Variants in KCNH1 observed in about 807,000 individuals in gnomAD.
KCNH1 encodes the protein voltage-gated delayed rectifier potassium channel KCNH1.
Under a neutral mutation model 69.2 loss-of-function variants are expected in KCNH1, and 27 were observed. The observed-to-expected ratio is 0.39, with a 90% CI of 0.29 to 0.54. KCNH1 has a LOEUF of 0.54. Ranked by LOEUF, KCNH1 falls within the 20% of genes least tolerant of loss-of-function variation. The pLI, the probability that KCNH1 is intolerant of heterozygous loss-of-function variation, is 0.68. For synonymous variants in KCNH1, 456 were observed against 487.7 expected, an observed-to-expected ratio of 0.93 and a Z score of 0.86; for missense variants, 798 against 1,261.6, an observed-to-expected ratio of 0.63 and a Z score of 5.57.
rs544962088 is a variant in KCNH1, at chr1:210,842,486, G to A, written c.1463-38320C>T. 4.8e-4 allele frequency among the ~76,000 whole-genome samples: 73 copies of A among 152,216 alleles called. 1 individual carries two copies. The highest frequency in any genetic ancestry group is 4.4e-3 in the South Asian group (21 of 4,808). ...CAAAGGTACAATGATTTAGTAAGCCGGGCATGTTAGCGGAATTTAAATTCA... is the reference window on the plus strand; with the variant it reads ...CAAAGGTACAATGATTTAGTAAGCCAGGCATGTTAGCGGAATTTAAATTCA... On this transcript the variant is annotated intron_variant, in intron 7 of 10. Coordinates refer to ENST00000271751, the MANE Select transcript of KCNH1 (RefSeq NM_172362.3).
At chr1:210,826,422 A>C (rs1685033489) in intron 7 of KCNH1, among the ~76,000 whole-genome samples, 1 of 152,218 alleles carries the variant, frequency 6.6e-6, no homozygotes, top group Non-Finnish European at 1.5e-5. Flanking sequence ...CAAAAAGAAT[A>C]AGGTGAAAAT....
rs896286595 is a variant in KCNH1, at chr1:210,797,640, T to C, written c.1783A>G (p.Met595Val). The C allele has an allele frequency of 1.2e-6, 2 of 1,614,112 alleles. No individual in the cohort carries two copies. The highest frequency in any genetic ancestry group is 1.3e-5 in the African/African-American group (1 of 74,942). ...GCACAGTGCACCGTCTGGAACTCCA[T>C]GGCCAGTGCCCGGAGGCAGCCATCA... ...ASDGCLRALA[M>V]EFQTVHCAPG... Residue 595 changes from methionine (M) to valine (V), a missense_variant, in exon 9 of 11, where the codon ATG becomes GTG. Met to Val is a conservative substitution (Grantham distance 21). This residue lies in a region of KCNH1 where 197 missense variants were observed against 407.7 expected (regional missense o/e 0.48). Transcript: ENST00000271751.
At chr1:210,863,494 C>A (rs914528958) in intron 7 of KCNH1, among the ~76,000 whole-genome samples, 2 of 152,168 alleles carry the variant, frequency 1.3e-5, no homozygotes, top group African/African-American at 4.8e-5. Context: ...ATGTAGTCAC[C>A]AGAGGTCTCT....
At chr1:210,754,543 T>C (rs1683352536) in intron 10 of KCNH1, among the ~76,000 whole-genome samples, 1 of 149,446 alleles carries the variant, frequency 6.7e-6, no homozygotes, top group Admixed American at 6.6e-5. Flanking sequence ...CCCTCATGGA[T>C]TGGTGCTGTT....
intron 7 of KCNH1, chr1:210,862,377 T>A (rs1370041491): frequency 6.3e-6 from 4 of 634,024 alleles, no homozygotes; most frequent in African/African-American, 1.8e-5. Context: ...CAGCGGCAAC[T>A]GGCGCAAAAG....
At chr1:210,782,600 C>T (rs1272417829) in intron 9 of KCNH1, among the ~76,000 whole-genome samples, 1 of 152,110 alleles carries the variant, frequency 6.6e-6, no homozygotes, top group African/African-American at 2.4e-5. Context: ...GTGGCGAGCA[C>T]TTGTAATCGC....
chr1:210,863,018 G>T (rs996599787), intron 7 of KCNH1, among the ~76,000 whole-genome samples: 1 of 152,214 alleles, frequency 6.6e-6, no homozygotes, highest in Non-Finnish European at 1.5e-5. Flanking sequence ...TGCGTGTAAA[G>T]TTAGGCTTTG....
intron 5 of KCNH1, among the ~76,000 whole-genome samples, chr1:211,022,333 A>G (rs144279494): frequency 6.6e-6 from 1 of 152,318 alleles, no homozygotes; most frequent in African/African-American, 2.4e-5. Flanking sequence ...AATCAAATGG[A>G]TTAAAAATTT....
At chr1:211,009,174 C>T (rs537919493) in intron 6 of KCNH1, among the ~76,000 whole-genome samples, 3 of 152,228 alleles carry the variant, frequency 2.0e-5, no homozygotes, top group East Asian at 1.9e-4. Flanking sequence ...CTAGGTCTAA[C>T]GTTGCCAACA....
intron 7 of KCNH1, among the ~76,000 whole-genome samples, chr1:210,912,615 G>A (rs1174325779): frequency 6.6e-6 from 1 of 152,214 alleles, no homozygotes; most frequent in African/African-American, 2.4e-5. Flanking sequence ...GGGGCAGGGA[G>A]AGAGTTATCA....
chr1:210,780,916 A>G (rs1437824892), intron 9 of KCNH1, among the ~76,000 whole-genome samples: 2 of 152,050 alleles, frequency 1.3e-5, no homozygotes, highest in African/African-American at 4.8e-5. Context: ...GCGTGGTGGC[A>G]GGTGCCTGTA....
At chr1:211,022,276 C>A (rs1420117695) in intron 5 of KCNH1, among the ~76,000 whole-genome samples, 1 of 152,080 alleles carries the variant, frequency 6.6e-6, no homozygotes, top group Non-Finnish European at 1.5e-5. Context: ...TATCCATATG[C>A]AGAAGAATGA....
chr1:210,924,540 T>G (rs2102567894), intron 6 of KCNH1, among the ~76,000 whole-genome samples: 1 of 152,328 alleles, frequency 6.6e-6, no homozygotes, highest in South Asian at 2.1e-4. Context: ...TTTGAGATTT[T>G]TTTTCCTTAC....
At chr1:210,735,933 A>T (rs925493970) in intron 10 of KCNH1, among the ~76,000 whole-genome samples, 2 of 151,904 alleles carry the variant, frequency 1.3e-5, no homozygotes, top group African/African-American at 4.8e-5. Context: ...TTTGTTCAAG[A>T]TTTTATATTT....
chr1:210,964,497 T>C (rs1047484252), intron 6 of KCNH1, among the ~76,000 whole-genome samples: 4 of 151,896 alleles, frequency 2.6e-5, no homozygotes, highest in Non-Finnish European at 5.9e-5. Context: ...AACTAGAAAA[T>C]CTAGAAGAAA....
chr1:210,694,447 AG>A (rs5780600), intron 10 of KCNH1, among the ~76,000 whole-genome samples: 56,029 of 151,944 alleles, frequency 0.37, 11,207 homozygotes, highest in South Asian at 0.52. Context: ...AAACAGCTGA[AG>A]GGTGGTGGGA....
chr1:210,691,911 G>A (rs1681535652), intron 10 of KCNH1, among the ~76,000 whole-genome samples: 2 of 152,242 alleles, frequency 1.3e-5, no homozygotes. Context: ...GGATGCTGAG[G>A]TTACCAGTTA....
chr1:211,044,679 T>C (rs1690060693), intron 5 of KCNH1, among the ~76,000 whole-genome samples: 1 of 151,894 alleles, frequency 6.6e-6, no homozygotes, highest in Non-Finnish European at 1.5e-5. Flanking sequence ...TCACTAACAA[T>C]CAGGGAAATG....
intron 5 of KCNH1, among the ~76,000 whole-genome samples, chr1:211,068,346 T>C (rs1392760129): frequency 6.6e-6 from 1 of 152,222 alleles, no homozygotes; most frequent in South Asian, 2.1e-4. Flanking sequence ...TTAGAAGCCA[T>C]CACTCTCTTC....
Sources: allele counts gnomAD v4.1 joint callset (sites outside exome capture counted in the v4.1 genomes callset), GRCh38; gene constraint gnomAD v4.1.1; regional missense constraint gnomAD v4.1.1; transcripts MANE v1.5; gene names NCBI Gene and HGNC (gene_info 2026-07-23, HGNC 2026-07-21).